Variants in SLIT2 observed in about 807,000 individuals in gnomAD.
SLIT2 encodes slit guidance ligand 2, also known as slit homolog 2 protein.
A neutral mutation model predicts 185.7 loss-of-function variants in SLIT2; 41 were observed. That is an observed-to-expected ratio of 0.22 (90% CI 0.17 to 0.29). SLIT2 has a LOEUF of 0.29. Among genes scored for constraint, SLIT2 ranks in the 10% least tolerant of loss-of-function variants. SLIT2 has a pLI of 1.00. For missense variants in SLIT2, 1,571 were observed against 1,909.0 expected, an observed-to-expected ratio of 0.82 and a Z score of 3.30; for synonymous variants, 693 against 680.2, an observed-to-expected ratio of 1.02 and a Z score of -0.29.
At position 20,553,674 on chromosome 4, in the gene SLIT2, A is replaced by AT. The variant is rs1312156262; in HGVS notation, c.2562-127dup. ...TGTTATCCTCAATAAATCTATGGGGATTTTCTGCTGAGCATCACTTTGAAT... is the reference window on the plus strand; with the variant it reads ...TGTTATCCTCAATAAATCTATGGGGATTTTTCTGCTGAGCATCACTTTGAAT... On this transcript the variant is annotated intron_variant, in intron 25 of 36. Coordinates refer to ENST00000504154, the MANE Select transcript of SLIT2 (RefSeq NM_004787.4). The AT allele has an allele frequency of 7.5e-5, 63 of 836,712 alleles. No individual in the cohort carries two copies. The African/African-American group carries it at 9.4e-4, about 12-fold the overall frequency. 51.8% of individuals were successfully genotyped at this position (836,712 alleles called of 1,614,324 possible).
intron 4 of SLIT2, among the ~76,000 whole-genome samples, chr4:20,448,850 A>T (rs899908242): frequency 6.6e-6 from 1 of 151,560 alleles, no homozygotes; most frequent in Non-Finnish European, 1.5e-5. Context: ...GTTAGCCAGG[A>T]TGGTCTCGAT....
At chr4:20,489,894 C>G (rs1717620152) in intron 8 of SLIT2, 2 of 152,190 alleles carry the variant, frequency 1.3e-5, no homozygotes, top group Admixed American at 1.3e-4. Context: ...TGAGACCATC[C>G]TGGGTAACAT....
intron 32 of SLIT2, among the ~76,000 whole-genome samples, chr4:20,597,023 A>G (rs928015839): frequency 2.6e-5 from 4 of 151,562 alleles, no homozygotes; most frequent in Admixed American, 1.3e-4. Flanking sequence ...CAGGCGAGAA[A>G]GAACACCTGG....
At chr4:20,610,985 A>G (rs547955330) in intron 34 of SLIT2, among the ~76,000 whole-genome samples, 43 of 152,304 alleles carry the variant, frequency 2.8e-4, no homozygotes, top group African/African-American at 9.6e-4. Context: ...TATTTGGAGG[A>G]ACAAATATAA....
intron 26 of SLIT2, 124 bp from the exon 27 acceptor site, chr4:20,567,138 G>A: frequency 1.2e-6 from 1 of 868,374 alleles, no homozygotes; most frequent in Non-Finnish European, 1.8e-6. Flanking sequence ...ATGGATGAGA[G>A]ACACATATAG....
chr4:20,450,348 A>T lies in SLIT2; in HGVS notation c.396-17404A>T, dbSNP rs946497713. On this transcript the variant is annotated intron_variant, in intron 4 of 36. Coordinates refer to ENST00000504154, the MANE Select transcript of SLIT2 (RefSeq NM_004787.4). ...GGCTACATTTTTTTATTGGGACATT[A>T]AAAACAGTTTTTCTTATATTGGAAT... 3.8e-4 allele frequency among the ~76,000 whole-genome samples: 58 copies of T among 152,194 alleles called. 1 individual carries two copies. The highest frequency in any genetic ancestry group is 1.3e-4 in the Non-Finnish European group (9 of 68,034).
intron 29 of SLIT2, among the ~76,000 whole-genome samples, chr4:20,582,271 A>G (rs1726645737): frequency 6.6e-6 from 1 of 152,040 alleles, no homozygotes; most frequent in African/African-American, 2.4e-5. Flanking sequence ...TTCATTCTCC[A>G]CTTCACCCTT....
intron 6 of SLIT2, among the ~76,000 whole-genome samples, chr4:20,482,669 G>A (rs1716821575): frequency 6.6e-6 from 1 of 151,890 alleles, no homozygotes; most frequent in African/African-American, 2.4e-5. Flanking sequence ...CTCTTTTGAG[G>A]ACCTTAATAT....
chr4:20,531,051 C>CT (rs1251192605), intron 16 of SLIT2, among the ~76,000 whole-genome samples: 3 of 151,902 alleles, frequency 2.0e-5, no homozygotes, highest in Non-Finnish European at 4.4e-5. Context: ...TGTAAAGCTT[C>CT]TATGGAAATC....
At chr4:20,574,301 T>C (rs931657019) in intron 29 of SLIT2, among the ~76,000 whole-genome samples, 6 of 152,062 alleles carry the variant, frequency 3.9e-5, no homozygotes, top group African/African-American at 1.4e-4. Context: ...GAAATCATCA[T>C]GGAATATTTA....
At chr4:20,607,512 T>G (rs751684861) in intron 33 of SLIT2, among the ~76,000 whole-genome samples, 1 of 152,130 alleles carries the variant, frequency 6.6e-6, no homozygotes, top group African/African-American at 2.4e-5. Context: ...GTTTAAGACA[T>G]GTACTCCAAA....
intron 12 of SLIT2, among the ~76,000 whole-genome samples, 187 bp from the exon 13 acceptor site, chr4:20,523,573 A>G (rs1442103113): frequency 6.6e-6 from 1 of 152,214 alleles, no homozygotes; most frequent in East Asian, 1.9e-4. Flanking sequence ...ATTTGATCAC[A>G]TGACTTTTGT....
At chr4:20,586,681 A>G (rs918589480) in intron 29 of SLIT2, among the ~76,000 whole-genome samples, 9 of 152,236 alleles carry the variant, frequency 5.9e-5, no homozygotes, top group African/African-American at 2.2e-4. Flanking sequence ...ATAAACAAAT[A>G]TATACCATGT....
intron 4 of SLIT2, among the ~76,000 whole-genome samples, chr4:20,366,978 T>G (rs917293713): frequency 6.6e-6 from 1 of 151,984 alleles, no homozygotes; most frequent in Non-Finnish European, 1.5e-5. Context: ...TCTGATATTT[T>G]TACAGAGACA....
chr4:20,574,971 CAT>C (rs903443416), intron 29 of SLIT2, among the ~76,000 whole-genome samples: 21 of 152,080 alleles, frequency 1.4e-4, no homozygotes, highest in African/African-American at 4.8e-4. Flanking sequence ...AACAGTATAA[CAT>C]GTGCTATTCT....
chr4:20,331,580 A>T (rs75375500), intron 4 of SLIT2, among the ~76,000 whole-genome samples: 3,200 of 152,222 alleles, frequency 0.021, 50 homozygotes, highest in Non-Finnish European at 0.028. Flanking sequence ...TTGCTCACTA[A>T]TATTTTCTTA....
chr4:20,268,951 T>G, intron 4 of SLIT2, 70 bp downstream of exon 4: 1 of 915,176 alleles, frequency 1.1e-6, no homozygotes, highest in Non-Finnish European at 1.8e-6. Flanking sequence ...ATTTTGGATC[T>G]GTTTGTGTGT....
intron 4 of SLIT2, among the ~76,000 whole-genome samples, chr4:20,274,303 G>A (rs1193225410): frequency 6.6e-6 from 1 of 151,952 alleles, no homozygotes; most frequent in Non-Finnish European, 1.5e-5. Flanking sequence ...AAAAATAGAG[G>A]CATACAAGGA....
At chr4:20,609,427 T>C (rs1026556052) in intron 33 of SLIT2, among the ~76,000 whole-genome samples, 2 of 152,204 alleles carry the variant, frequency 1.3e-5, no homozygotes, top group Non-Finnish European at 2.9e-5. Context: ...TTCACAGCAA[T>C]ATCAGTTGAT....
Sources: gnomAD v4.1 joint callset for allele counts (sites outside exome capture counted in the v4.1 genomes callset) on GRCh38, gnomAD v4.1.1 for gene constraint, MANE v1.5 for transcripts, NCBI Gene and HGNC (gene_info 2026-07-23, HGNC 2026-07-21) for gene names.